The following NPL variants were observed in gnomAD, a reference collection of about 807,000 sequenced individuals.
The protein encoded by NPL is N-acetylneuraminate pyruvate lyase.
In NPL, 32 loss-of-function variants were observed where a neutral mutation model predicts 41.1. The observed-to-expected ratio is 0.78, with a 90% CI of 0.59 to 1.05. NPL has a LOEUF of 1.05. NPL is among the 50% of genes least tolerant of loss of function. NPL has a pLI of 0.00. For synonymous variants in NPL, 128 were observed against 134.9 expected (o/e 0.95, Z 0.35); for missense variants, 321 against 378.4 (o/e 0.85, Z 1.26).
At chr1:182,790,611 CTTT>C (rs758959076) in intron 1 of NPL, among the ~76,000 whole-genome samples, 13 of 133,382 alleles carry the variant, frequency 9.7e-5, no homozygotes, top group Non-Finnish European at 1.6e-4. Context: ...CTGTTAAAGT[CTTT>C]TGTTGTTGTT....
At chr1:182,814,517 C>T (rs759090248) in intron 6 of NPL, among the ~76,000 whole-genome samples, 9 of 152,154 alleles carry the variant, frequency 5.9e-5, no homozygotes, top group Non-Finnish European at 1.3e-4. Context: ...CAAAATGAAC[C>T]ACTTACGTCT....
At chr1:182,796,299 A>G (rs1372203474) in intron 3 of NPL, among the ~76,000 whole-genome samples, 2 of 152,066 alleles carry the variant, frequency 1.3e-5, no homozygotes, top group East Asian at 1.9e-4. Flanking sequence ...TGCTTCATCA[A>G]ACATTCCTGT....
chr1:182,819,371 G>A lies in NPL; in HGVS notation c.653+512G>A, dbSNP rs191823105. ...TGAGGCAGGAGAATCGCTTGAAACC[G>A]GAAGGCGGAGGTTGCAGTGAGCTGA... On this transcript the variant is annotated intron_variant, in intron 10 of 12. Coordinates refer to ENST00000367553, the MANE Select transcript of NPL (RefSeq NM_030769.3). Among the ~76,000 whole-genome samples, 610 of 151,412 alleles carry A rather than the reference G, an allele frequency of 4.0e-3. 3 individuals are homozygous for A. Among genetic ancestry groups the A allele is most frequent in the Admixed American group, 7.4e-3 (113 of 15,224 alleles).
intron 3 of NPL, among the ~76,000 whole-genome samples, chr1:182,796,832 C>T (rs61807495): frequency 0.02 from 3,040 of 152,070 alleles, 49 homozygotes; most frequent in Non-Finnish European, 0.032. Flanking sequence ...GTCAAGAGAT[C>T]GAGACCATCC....
intron 8 of NPL, 38 bp downstream of exon 8, chr1:182,816,844 C>A: frequency 6.8e-7 from 1 of 1,477,904 alleles, no homozygotes; most frequent in Non-Finnish European, 9.4e-7. Flanking sequence ...TTCCTTCCAA[C>A]TCTCACATCT....
At chr1:182,811,146 A>G (rs1194581256) in intron 5 of NPL, among the ~76,000 whole-genome samples, 3 of 152,222 alleles carry the variant, frequency 2.0e-5, no homozygotes, top group Admixed American at 6.5e-5. Context: ...TACAAAAATC[A>G]TATGTAATAT....
intron 3 of NPL, among the ~76,000 whole-genome samples, chr1:182,797,957 G>A (rs1476333920): frequency 1.3e-5 from 2 of 152,166 alleles, no homozygotes; most frequent in Non-Finnish European, 2.9e-5. Flanking sequence ...TATACTGCAG[G>A]AATTACTAGT....
Position 182,829,609 on chromosome 1 carries a change from C to A in NPL, c.*701C>A. On this transcript the variant is annotated 3_prime_UTR_variant, in exon 13 of 13. Coordinates refer to ENST00000367553, the MANE Select transcript of NPL (RefSeq NM_030769.3). ...TCCACTTTTTTCTATACAGAAAACT[C>A]AAAACTCAAAGTTTCAAAGAACCAA... 2 of 1,550,132 alleles carry A rather than the reference C, an allele frequency of 1.3e-6. No individual in the cohort carries two copies. The highest frequency in any genetic ancestry group is 2.4e-5 in the South Asian group (2 of 84,006).
At chr1:182,803,919 G>A (rs1666929536) in intron 4 of NPL, 148 bp downstream of exon 4, 1 of 712,702 alleles carries the variant, frequency 1.4e-6, no homozygotes. Flanking sequence ...TTGTGAATTT[G>A]TAGGCCCACC....
At chr1:182,822,722 G>C (rs1667524055) in intron 11 of NPL, among the ~76,000 whole-genome samples, 1 of 152,220 alleles carries the variant, frequency 6.6e-6, no homozygotes. Flanking sequence ...TACAGGATTT[G>C]AGACAGGAAG....
At chr1:182,814,961 T>A (rs1347154294) in intron 7 of NPL, 103 bp downstream of exon 7, 1 of 943,246 alleles carries the variant, frequency 1.1e-6, no homozygotes, top group African/African-American at 1.6e-5. Flanking sequence ...GCACTATAGA[T>A]TGGAGGCTTG....
chr1:182,793,450 G>A (rs1666571964), intron 2 of NPL, among the ~76,000 whole-genome samples: 1 of 152,200 alleles, frequency 6.6e-6, no homozygotes, highest in East Asian at 1.9e-4. Context: ...TCCAGTCACA[G>A]TCTGAACACC....
At chr1:182,823,242 G>C (rs1054784425) in intron 11 of NPL, among the ~76,000 whole-genome samples, 1 of 152,198 alleles carries the variant, frequency 6.6e-6, no homozygotes, top group Non-Finnish European at 1.5e-5. Context: ...AATAAAGCTT[G>C]GCTGTGGGAT....
At chr1:182,816,872 A>G in intron 8 of NPL, 66 bp downstream of exon 8, 1 of 1,270,804 alleles carries the variant, frequency 7.9e-7, no homozygotes, top group Non-Finnish European at 1.1e-6. Context: ...TTATGCTAAG[A>G]AACTCCACTC....
intron 11 of NPL, among the ~76,000 whole-genome samples, chr1:182,823,142 C>T (rs1016681625): frequency 6.6e-6 from 1 of 152,148 alleles, no homozygotes; most frequent in Non-Finnish European, 1.5e-5. Flanking sequence ...TGAGGATTTT[C>T]AGGATAGTAT....
chr1:182,799,997 C>T (rs1408070949), intron 3 of NPL, among the ~76,000 whole-genome samples: 1 of 152,132 alleles, frequency 6.6e-6, no homozygotes, highest in African/African-American at 2.4e-5. Flanking sequence ...GAGCACTGAG[C>T]TCCAAATGCC....
At chr1:182,792,548 G>C (rs141295266) in intron 2 of NPL, among the ~76,000 whole-genome samples, 1 of 152,162 alleles carries the variant, frequency 6.6e-6, no homozygotes, top group Non-Finnish European at 1.5e-5. Context: ...TTGTACTGAG[G>C]GTGGTCACAT....
At chr1:182,810,710 T>G (rs1667151620) in intron 5 of NPL, among the ~76,000 whole-genome samples, 1 of 152,150 alleles carries the variant, frequency 6.6e-6, no homozygotes, top group Non-Finnish European at 1.5e-5. Flanking sequence ...TTTTTTTTTC[T>G]TTAAGTCTCT....
intron 1 of NPL, chr1:182,791,437 G>A (rs1666513559): frequency 6.6e-6 from 1 of 152,130 alleles, no homozygotes; most frequent in Non-Finnish European, 1.5e-5. Flanking sequence ...CCAGACCCCA[G>A]GGAGCTGGTT....
Sources: allele counts gnomAD v4.1 joint callset (sites outside exome capture counted in the v4.1 genomes callset), GRCh38; gene constraint gnomAD v4.1.1; transcripts MANE v1.5; gene names NCBI Gene and HGNC (gene_info 2026-07-23, HGNC 2026-07-21).